CADPS: variants seen among roughly 807,000 people sequenced by gnomAD.
The protein encoded by CADPS is calcium dependent secretion activator, also known as calcium-dependent secretion activator 1.
CADPS carries 57 observed loss-of-function variants against 167.3 expected under a neutral mutation model. The observed-to-expected ratio is 0.34, with a 90% CI of 0.28 to 0.42. The LOEUF is 0.42. Ranked by LOEUF, CADPS falls within the 20% of genes least tolerant of loss-of-function variation. The probability of loss-of-function intolerance (pLI) is 1.00; values close to 1 mark genes in which losing one functional copy is unlikely to be tolerated. For synonymous variants in CADPS, 676 were observed against 635.3 expected, an observed-to-expected ratio of 1.06 and a Z score of -0.96; for missense variants, 1,414 against 1,738.1, an observed-to-expected ratio of 0.81 and a Z score of 3.32.
intron 29 of CADPS, among the ~76,000 whole-genome samples, chr3:62,401,294 G>A (rs1445147554): frequency 6.6e-6 from 1 of 152,034 alleles, no homozygotes; most frequent in African/African-American, 2.4e-5. Context: ...AATATGATGG[G>A]GGAAAATAAA....
At chr3:62,608,883 C>A (rs559937436) in intron 6 of CADPS, among the ~76,000 whole-genome samples, 1 of 152,142 alleles carries the variant, frequency 6.6e-6, no homozygotes, top group Non-Finnish European at 1.5e-5. Flanking sequence ...CCAACTTGTA[C>A]GCCTCCTTCC....
intron 3 of CADPS, among the ~76,000 whole-genome samples, chr3:62,731,661 C>T (rs752113287): frequency 6.6e-6 from 1 of 151,586 alleles, no homozygotes; most frequent in African/African-American, 2.4e-5. Flanking sequence ...AAATAAATTG[C>T]AATGTGAGGT....
chr3:62,759,897 G>T (rs1429176736), intron 2 of CADPS, among the ~76,000 whole-genome samples: 1 of 152,026 alleles, frequency 6.6e-6, no homozygotes, highest in Non-Finnish European at 1.5e-5. Flanking sequence ...TTGAGGCAAG[G>T]TGCATTTTCA....
Position 62,744,534 on chromosome 3 carries a change from C to T in CADPS, c.888+8907G>A, listed in dbSNP as rs114664979. Among the ~76,000 whole-genome samples the T allele has an allele frequency of 7.4e-3, 1,124 of 152,204 alleles. 11 individuals carry two copies. The highest frequency in any genetic ancestry group is 0.025 in the African/African-American group (1,049 of 41,530). ...GCATGGGGAATCTGGACTGGTGAAA[C>T]GTGTTCAAAGGTTAGTAAAATATCT... On this transcript the variant is annotated intron_variant, in intron 3 of 29. Transcript: ENST00000383710.
At chr3:62,527,928 G>A (rs899115640) in intron 13 of CADPS, among the ~76,000 whole-genome samples, 6 of 152,154 alleles carry the variant, frequency 3.9e-5, no homozygotes, top group African/African-American at 1.4e-4. Context: ...TGGTCATGCT[G>A]GTGAAAGGTT....
chr3:62,838,366 G>T (rs1337468873), intron 1 of CADPS, among the ~76,000 whole-genome samples: 1 of 152,192 alleles, frequency 6.6e-6, no homozygotes. Flanking sequence ...AGGAGGGAAT[G>T]AGTATAAGCC....
At chr3:62,866,335 T>C (rs767062032) in intron 1 of CADPS, among the ~76,000 whole-genome samples, 2 of 152,104 alleles carry the variant, frequency 1.3e-5, no homozygotes, top group Non-Finnish European at 2.9e-5. Context: ...TATTTTAGAC[T>C]ATTTCCTCTC....
At chr3:62,682,994 T>C (rs2077394610) in intron 3 of CADPS, among the ~76,000 whole-genome samples, 1 of 152,020 alleles carries the variant, frequency 6.6e-6, no homozygotes, top group Non-Finnish European at 1.5e-5. Flanking sequence ...TGAAGAGCAT[T>C]TCAGACAGAA....
chr3:62,659,905 C>T (rs1198213329), intron 4 of CADPS, among the ~76,000 whole-genome samples: 1 of 152,180 alleles, frequency 6.6e-6, no homozygotes, highest in Admixed American at 6.6e-5. Context: ...ACCCTCAATA[C>T]CCTAGACAGG....
chr3:62,659,507 T>C (rs111928304), intron 4 of CADPS, among the ~76,000 whole-genome samples: 136 of 152,318 alleles, frequency 8.9e-4, no homozygotes, highest in African/African-American at 3.1e-3. Context: ...GTCCTCAGGA[T>C]TGTGGGCTCC....
intron 6 of CADPS, among the ~76,000 whole-genome samples, chr3:62,595,600 T>A (rs1034056610): frequency 2.0e-5 from 3 of 152,232 alleles, no homozygotes; most frequent in African/African-American, 7.2e-5. Flanking sequence ...TAAGGAGATG[T>A]ATTCTAGTAA....
At chr3:62,757,174 T>C (rs989470473) in intron 2 of CADPS, among the ~76,000 whole-genome samples, 2 of 152,092 alleles carry the variant, frequency 1.3e-5, no homozygotes, top group African/African-American at 2.4e-5. Flanking sequence ...AGGGGTGACT[T>C]GAAAACATTC....
chr3:62,496,626 C>T (rs1257206647), intron 18 of CADPS, among the ~76,000 whole-genome samples: 2 of 152,194 alleles, frequency 1.3e-5, no homozygotes, highest in Non-Finnish European at 2.9e-5. Flanking sequence ...TGTGGCCTTC[C>T]ACTCTAACAA....
At chr3:62,661,386 G>T (rs1429749347) in intron 4 of CADPS, among the ~76,000 whole-genome samples, 1 of 152,128 alleles carries the variant, frequency 6.6e-6, no homozygotes, top group African/African-American at 2.4e-5. Flanking sequence ...CTAAGTGAGG[G>T]GAGAAACATG....
chr3:62,807,462 A>T (rs1225303851), intron 1 of CADPS, among the ~76,000 whole-genome samples: 1 of 151,914 alleles, frequency 6.6e-6, no homozygotes, highest in Non-Finnish European at 1.5e-5. Context: ...AGGTTTCATC[A>T]TGTTGGCCAA....
intron 3 of CADPS, among the ~76,000 whole-genome samples, chr3:62,694,807 G>C (rs1580594654): frequency 6.6e-6 from 1 of 152,170 alleles, no homozygotes; most frequent in East Asian, 1.9e-4. Context: ...ATGGTTTACT[G>C]AAGACTCAGT....
intron 16 of CADPS, chr3:62,513,550 G>T: frequency 1.2e-6 from 1 of 841,314 alleles, no homozygotes; most frequent in Non-Finnish European, 1.9e-6. Flanking sequence ...GAAGCAAGGA[G>T]AGTGAGTTGG....
At chr3:62,677,827 A>G (rs941461624) in intron 3 of CADPS, among the ~76,000 whole-genome samples, 4 of 152,126 alleles carry the variant, frequency 2.6e-5, no homozygotes, top group Non-Finnish European at 5.9e-5. Context: ...AGAGATAAGA[A>G]TGAGAATTTT....
intron 4 of CADPS, among the ~76,000 whole-genome samples, chr3:62,653,646 A>G (rs2070796032): frequency 6.6e-6 from 1 of 152,288 alleles, no homozygotes; most frequent in South Asian, 2.1e-4. Flanking sequence ...TTGGCACATA[A>G]TAAGTATTCA....
Sources: allele counts gnomAD v4.1 joint callset (sites outside exome capture counted in the v4.1 genomes callset), GRCh38; gene constraint gnomAD v4.1.1; transcripts MANE v1.5; gene names NCBI Gene and HGNC (gene_info 2026-07-23, HGNC 2026-07-21).